Variants in SPOCK1 observed in about 807,000 individuals in gnomAD.
SPOCK1 encodes the protein SPARC (osteonectin), cwcv and kazal like domains proteoglycan 1, also known as testican-1.
SPOCK1 carries 23 observed loss-of-function variants against 55.3 expected under a neutral mutation model. That is an observed-to-expected ratio of 0.42 (90% CI 0.30 to 0.59). The LOEUF (loss-of-function observed/expected upper bound fraction) is 0.59. Ranked by LOEUF, SPOCK1 falls within the 20% of genes least tolerant of loss-of-function variation. The pLI is 0.22. For missense variants in SPOCK1, 499 were observed against 552.5 expected (o/e 0.90, Z 0.97); for synonymous variants, 226 against 221.0 (o/e 1.02, Z -0.20).
intron 2 of SPOCK1, among the ~76,000 whole-genome samples, chr5:137,279,744 G>A (rs933283174): frequency 7.2e-5 from 11 of 152,170 alleles, no homozygotes; most frequent in African/African-American, 2.2e-4. Flanking sequence ...CACTTTAGCT[G>A]GAAGGCTAAG....
At chr5:137,463,539 G>A (rs940633123) in intron 2 of SPOCK1, among the ~76,000 whole-genome samples, 1 of 150,964 alleles carries the variant, frequency 6.6e-6, no homozygotes, top group Non-Finnish European at 1.5e-5. Context: ...GGGGGTGTTG[G>A]GAGGAGGGAG....
At chr5:137,401,890 T>C (rs2127184417) in intron 2 of SPOCK1, among the ~76,000 whole-genome samples, 1 of 152,276 alleles carries the variant, frequency 6.6e-6, no homozygotes, top group African/African-American at 2.4e-5. Flanking sequence ...CCACCTCTCC[T>C]TGGGTCCCTG....
chr5:137,030,917 A>C (rs1360749872), intron 6 of SPOCK1, among the ~76,000 whole-genome samples: 1 of 152,166 alleles, frequency 6.6e-6, no homozygotes, highest in Non-Finnish European at 1.5e-5. Context: ...ATTCGAGGGG[A>C]GTTTGTGATA....
At chr5:137,093,638 G>T (rs1580746942) in intron 5 of SPOCK1, among the ~76,000 whole-genome samples, 3 of 152,298 alleles carry the variant, frequency 2.0e-5, no homozygotes, top group Admixed American at 6.5e-5. Flanking sequence ...GTCAGAGAGG[G>T]TCTCTCTGAG....
chr5:137,309,472 C>G (rs1408804279), intron 2 of SPOCK1, among the ~76,000 whole-genome samples: 1 of 152,214 alleles, frequency 6.6e-6, no homozygotes, highest in Non-Finnish European at 1.5e-5. Context: ...TCCCCTCCTC[C>G]TGAAGCCTTG....
At chr5:137,035,167 T>TCTGTGCTG (rs1417184618) in intron 6 of SPOCK1, among the ~76,000 whole-genome samples, 1 of 152,166 alleles carries the variant, frequency 6.6e-6, no homozygotes, top group Non-Finnish European at 1.5e-5. Context: ...TCTACAGGTG[T>TCTGTGCTG]CTGTGCTGCT....
chr5:137,052,632 CAAT>C (rs1561591870), intron 6 of SPOCK1, among the ~76,000 whole-genome samples: 1 of 151,786 alleles, frequency 6.6e-6, no homozygotes, highest in African/African-American at 2.4e-5. Flanking sequence ...GCTAAATGTT[CAAT>C]AATAAAGGAC....
intron 5 of SPOCK1, among the ~76,000 whole-genome samples, chr5:137,088,811 G>A (rs1480811537): frequency 6.6e-6 from 1 of 152,192 alleles, no homozygotes; most frequent in Non-Finnish European, 1.5e-5. Flanking sequence ...AAGATGGAAA[G>A]CCATTGTAGG....
At chr5:137,137,595 T>A (rs1754010171) in intron 4 of SPOCK1, among the ~76,000 whole-genome samples, 1 of 152,212 alleles carries the variant, frequency 6.6e-6, no homozygotes, top group Non-Finnish European at 1.5e-5. Flanking sequence ...CAGTGCCTCC[T>A]CCTTGGGCTT....
At chr5:137,498,346 C>T in intron 2 of SPOCK1, 27 bp downstream of exon 2, 2 of 1,565,632 alleles carry the variant, frequency 1.3e-6, no homozygotes, top group Non-Finnish European at 1.7e-6. Context: ...TCCGCGCCCC[C>T]CAGGGCCGGG....
intron 2 of SPOCK1, among the ~76,000 whole-genome samples, chr5:137,347,916 C>G (rs1159265901): frequency 1.3e-5 from 2 of 152,134 alleles, no homozygotes; most frequent in Admixed American, 1.3e-4. Context: ...TGTATGTCCT[C>G]TTGTATAGGA....
chr5:137,139,762 T>C (rs1754059030), intron 4 of SPOCK1, among the ~76,000 whole-genome samples: 1 of 152,098 alleles, frequency 6.6e-6, no homozygotes, highest in South Asian at 2.1e-4. Flanking sequence ...TGCACTGAAA[T>C]TGCCTTCCTC....
chr5:137,487,310 G>T (rs1754079281), intron 2 of SPOCK1, among the ~76,000 whole-genome samples: 1 of 149,700 alleles, frequency 6.7e-6, no homozygotes, highest in East Asian at 1.9e-4. Flanking sequence ...AGGGGGCAGG[G>T]GAGTGGATGC....
intron 2 of SPOCK1, among the ~76,000 whole-genome samples, chr5:137,359,056 A>G (rs1349470554): frequency 5.3e-5 from 8 of 152,210 alleles, no homozygotes; most frequent in Non-Finnish European, 1.2e-4. Flanking sequence ...GTCTAAATAA[A>G]TCGAGCCCAC....
At chr5:137,398,957 G>C (rs1350041693) in intron 2 of SPOCK1, among the ~76,000 whole-genome samples, 1 of 152,156 alleles carries the variant, frequency 6.6e-6, no homozygotes, top group Non-Finnish European at 1.5e-5. Context: ...CAAGCAACTA[G>C]GGAGAACTGA....
chr5:137,248,408 T>C (rs1756440406), intron 3 of SPOCK1, among the ~76,000 whole-genome samples: 1 of 152,198 alleles, frequency 6.6e-6, no homozygotes, highest in Non-Finnish European at 1.5e-5. Flanking sequence ...CACCATCCTG[T>C]CCTCGAAACC....
intron 2 of SPOCK1, among the ~76,000 whole-genome samples, chr5:137,356,274 G>A (rs995896420): frequency 5.3e-5 from 8 of 152,164 alleles, no homozygotes; most frequent in Admixed American, 1.3e-4. Context: ...TGACTGCCAA[G>A]TGAGGTCAAT....
intron 6 of SPOCK1, among the ~76,000 whole-genome samples, chr5:137,030,654 T>C (rs932955104): frequency 8.5e-5 from 13 of 152,204 alleles, no homozygotes; most frequent in African/African-American, 2.7e-4. Context: ...GAGTATGAGT[T>C]GGTAGGGCAC....
At chr5:137,160,780 A>C (rs1285051486) in intron 3 of SPOCK1, among the ~76,000 whole-genome samples, 3 of 140,512 alleles carry the variant, frequency 2.1e-5, no homozygotes, top group African/African-American at 5.2e-5. Context: ...GTGGGAATGT[A>C]AACTAGTACA....
Sources: allele counts gnomAD v4.1 joint callset (sites outside exome capture counted in the v4.1 genomes callset), GRCh38; gene constraint gnomAD v4.1.1; transcripts MANE v1.5; gene names NCBI Gene and HGNC (gene_info 2026-07-23, HGNC 2026-07-21).